The following RALYL variants were observed in gnomAD, a reference collection of about 807,000 sequenced individuals.
The protein encoded by RALYL is RALY RNA binding protein like.
RALYL carries 29 observed loss-of-function variants against 35.1 expected under a neutral mutation model. The observed-to-expected ratio is 0.83, with a 90% CI of 0.61 to 1.13. The LOEUF is 1.13. Ranked by LOEUF, RALYL falls within the 50% of genes most tolerant of loss-of-function variation. The pLI is 0.00. For missense variants in RALYL, 359 were observed against 360.4 expected (o/e 1.00, Z 0.03); for synonymous variants, 120 against 127.6 (o/e 0.94, Z 0.40).
chr8:84,390,938 C>G (rs1043777758), intron 1 of RALYL, among the ~76,000 whole-genome samples: 1 of 151,978 alleles, frequency 6.6e-6, no homozygotes, highest in African/African-American at 2.4e-5. Context: ...AATGTTCACA[C>G]GTTCCTCCAA....
chr8:84,439,023 G>A (rs1415099799), intron 1 of RALYL, among the ~76,000 whole-genome samples: 3 of 151,782 alleles, frequency 2.0e-5, no homozygotes, highest in Admixed American at 2.0e-4. Context: ...TTAATGCAAT[G>A]CCTTCAGCTT....
Position 84,659,471 on chromosome 8 carries a change from A to G in RALYL, c.257-115108A>G, listed in dbSNP as rs115320426. The stretch of plus-strand genomic sequence containing the variant: ...CTTTGGTCAATGGAAGGCAATCAGA[A>G]AAGGCTGTTTGATAAAGAAAGGTAG... On this transcript the variant is annotated intron_variant, in intron 2 of 8. Coordinates refer to ENST00000521268, the MANE Select transcript of RALYL (RefSeq NM_173848.7). 6.1e-3 allele frequency among the ~76,000 whole-genome samples: 936 copies of G among 152,276 alleles called. 12 individuals carry two copies. The highest frequency in any genetic ancestry group is 0.021 in the African/African-American group (887 of 41,560).
intron 2 of RALYL, among the ~76,000 whole-genome samples, chr8:84,674,201 T>C (rs1369930413): frequency 2.0e-5 from 3 of 152,198 alleles, no homozygotes; most frequent in Non-Finnish European, 2.9e-5. Flanking sequence ...ATAAGAATGC[T>C]AGTAATTTTT....
intron 1 of RALYL, among the ~76,000 whole-genome samples, chr8:84,430,953 A>G (rs780348916): frequency 3.9e-5 from 6 of 152,098 alleles, no homozygotes; most frequent in Non-Finnish European, 7.4e-5. Flanking sequence ...ATAATGTCCT[A>G]CTTATTTCCT....
chr8:84,468,727 C>T (rs2052170283), intron 1 of RALYL, among the ~76,000 whole-genome samples: 3 of 151,080 alleles, frequency 2.0e-5, no homozygotes, highest in Admixed American at 1.3e-4. Context: ...TGGATAATAT[C>T]CTGCAGAGTG....
chr8:84,853,665 A>G (rs182713985), intron 5 of RALYL, among the ~76,000 whole-genome samples: 1 of 152,306 alleles, frequency 6.6e-6, no homozygotes, highest in Admixed American at 6.5e-5. Context: ...GCACTTGGCT[A>G]AGAAAGACAT....
chr8:84,501,430 C>G (rs575810555), intron 1 of RALYL, among the ~76,000 whole-genome samples: 3 of 152,032 alleles, frequency 2.0e-5, no homozygotes, highest in South Asian at 2.1e-4. Context: ...TAATAAATAG[C>G]CAGTGTAATT....
intron 1 of RALYL, among the ~76,000 whole-genome samples, chr8:84,287,808 G>A (rs1166273262): frequency 6.6e-6 from 1 of 152,118 alleles, no homozygotes; most frequent in African/African-American, 2.4e-5. Flanking sequence ...TAGAAATGGG[G>A]TCATTTGGGG....
At chr8:84,749,640 A>G (rs1809481748) in intron 2 of RALYL, among the ~76,000 whole-genome samples, 1 of 152,198 alleles carries the variant, frequency 6.6e-6, no homozygotes, top group Non-Finnish European at 1.5e-5. Flanking sequence ...AATTAGTAAG[A>G]GAAAGAATGT....
chr8:84,691,971 C>T (rs1838149643), intron 2 of RALYL, among the ~76,000 whole-genome samples: 1 of 151,710 alleles, frequency 6.6e-6, no homozygotes, highest in Non-Finnish European at 1.5e-5. Context: ...AAATATTTCA[C>T]AATAAATGAG....
intron 2 of RALYL, among the ~76,000 whole-genome samples, chr8:84,697,781 G>A (rs770028398): frequency 3.3e-5 from 5 of 151,776 alleles, no homozygotes; most frequent in Non-Finnish European, 5.9e-5. Flanking sequence ...GTTTTTCCCC[G>A]CTATGTGTCC....
intron 2 of RALYL, among the ~76,000 whole-genome samples, chr8:84,670,170 T>A (rs532801682): frequency 6.6e-6 from 1 of 152,232 alleles, no homozygotes; most frequent in South Asian, 2.1e-4. Flanking sequence ...AATTTCCCAC[T>A]GATAATGGGA....
At chr8:84,599,142 G>C (rs1815302372) in intron 2 of RALYL, among the ~76,000 whole-genome samples, 1 of 152,006 alleles carries the variant, frequency 6.6e-6, no homozygotes, top group African/African-American at 2.4e-5. Flanking sequence ...TGCTCTCATA[G>C]GGCTGAATAA....
At chr8:84,665,112 A>T (rs1831729819) in intron 2 of RALYL, among the ~76,000 whole-genome samples, 1 of 152,134 alleles carries the variant, frequency 6.6e-6, no homozygotes, top group Non-Finnish European at 1.5e-5. Flanking sequence ...AGTCCTGTTT[A>T]TGTGATGAGT....
At chr8:84,660,590 A>T (rs1375234032) in intron 2 of RALYL, among the ~76,000 whole-genome samples, 3 of 151,688 alleles carry the variant, frequency 2.0e-5, no homozygotes, top group Non-Finnish European at 4.4e-5. Flanking sequence ...GTGGTTTTTC[A>T]TGTTTTTTAA....
At chr8:84,253,642 T>G (rs1303597295) in intron 1 of RALYL, among the ~76,000 whole-genome samples, 1 of 152,134 alleles carries the variant, frequency 6.6e-6, no homozygotes, top group African/African-American at 2.4e-5. Flanking sequence ...TATCAGACCT[T>G]AAAATAGAAA....
At chr8:84,704,480 C>CACACACACACAA (rs145150857) in intron 2 of RALYL, among the ~76,000 whole-genome samples, 1 of 139,508 alleles carries the variant, frequency 7.2e-6, no homozygotes, top group Admixed American at 7.0e-5. Flanking sequence ...CACACACACA[C>CACACACACACAA]ACAACAACTC....
At chr8:84,467,691 G>A (rs1325167113) in intron 1 of RALYL, among the ~76,000 whole-genome samples, 2 of 151,762 alleles carry the variant, frequency 1.3e-5, no homozygotes, top group African/African-American at 4.8e-5. Context: ...CAATTCCTGG[G>A]TATCCTTGTT....
At chr8:84,455,453 T>A (rs1406209957) in intron 1 of RALYL, among the ~76,000 whole-genome samples, 1 of 152,034 alleles carries the variant, frequency 6.6e-6, no homozygotes, top group Non-Finnish European at 1.5e-5. Context: ...ATTTAGCCAT[T>A]TTCCAAAAGT....
Sources: gnomAD v4.1 joint callset for allele counts (sites outside exome capture counted in the v4.1 genomes callset) on GRCh38, gnomAD v4.1.1 for gene constraint, MANE v1.5 for transcripts, NCBI Gene and HGNC (gene_info 2026-07-23, HGNC 2026-07-21) for gene names.